The following EYS variants were observed in gnomAD, a reference collection of about 807,000 sequenced individuals.
The protein encoded by EYS is protein eyes shut homolog.
In EYS, 250 loss-of-function variants were observed where a neutral mutation model predicts 282.1. That is an observed-to-expected ratio of 0.89 (90% CI 0.80 to 0.98). The LOEUF is 0.98. Among genes scored for constraint, EYS ranks in the 50% least tolerant of loss-of-function variants. The probability of loss-of-function intolerance (pLI) is 0.00; values close to 1 mark genes in which losing one functional copy is unlikely to be tolerated. For missense variants in EYS, 4,016 were observed against 3,709.0 expected (o/e 1.08, Z -2.15); for synonymous variants, 1,355 against 1,282.9 (o/e 1.06, Z -1.20).
chr6:65,383,303 T>C (rs1765684691), intron 8 of EYS, among the ~76,000 whole-genome samples: 1 of 151,956 alleles, frequency 6.6e-6, no homozygotes, highest in African/African-American at 2.4e-5. Context: ...TTCTGAAGTG[T>C]TTTGAGACAA....
At chr6:64,132,602 A>G (rs1774016786) in intron 31 of EYS, among the ~76,000 whole-genome samples, 1 of 152,002 alleles carries the variant, frequency 6.6e-6, no homozygotes, top group East Asian at 1.9e-4. Flanking sequence ...TCATGTAAGA[A>G]GACAATTACA....
At chr6:63,882,925 C>T (rs975604565) in intron 35 of EYS, among the ~76,000 whole-genome samples, 1 of 152,114 alleles carries the variant, frequency 6.6e-6, no homozygotes, top group Non-Finnish European at 1.5e-5. Flanking sequence ...ATTTGAAAAA[C>T]TATACAGAGG....
chr6:65,042,266 G>A (rs1772960204), intron 13 of EYS, among the ~76,000 whole-genome samples: 4 of 151,280 alleles, frequency 2.6e-5, no homozygotes, highest in Non-Finnish European at 4.4e-5. Flanking sequence ...TGCATTTCTT[G>A]TAGATTGAAT....
At chr6:64,247,786 G>T (rs1227993177) in intron 30 of EYS, among the ~76,000 whole-genome samples, 1 of 152,066 alleles carries the variant, frequency 6.6e-6, no homozygotes, top group Non-Finnish European at 1.5e-5. Context: ...AATGTACAAT[G>T]AGAAAACAGA....
intron 31 of EYS, among the ~76,000 whole-genome samples, chr6:64,106,443 T>C (rs1773015007): frequency 6.6e-6 from 1 of 152,148 alleles, no homozygotes; most frequent in Non-Finnish European, 1.5e-5. Context: ...GGTAGTGTTT[T>C]TTTTCTGAAC....
chr6:63,872,472 AT>A (rs1167596582), intron 35 of EYS, among the ~76,000 whole-genome samples: 1 of 98,938 alleles, frequency 1.0e-5, no homozygotes, highest in African/African-American at 4.4e-5. Flanking sequence ...CTATACCTAA[AT>A]ATGGTTTTTT....
intron 5 of EYS, among the ~76,000 whole-genome samples, chr6:65,487,753 C>A (rs914313296): frequency 5.3e-5 from 8 of 151,982 alleles, no homozygotes; most frequent in Admixed American, 2.6e-4. Context: ...GGAATGGTAC[C>A]AGCTCATTTT....
intron 35 of EYS, among the ~76,000 whole-genome samples, chr6:63,912,146 G>A (rs1764269412): frequency 6.6e-6 from 1 of 152,194 alleles, no homozygotes; most frequent in Non-Finnish European, 1.5e-5. Context: ...CAGTGCATAA[G>A]CAGGAGCTTT....
intron 13 of EYS, among the ~76,000 whole-genome samples, chr6:65,022,070 A>G (rs1281601679): frequency 6.6e-6 from 1 of 152,250 alleles, no homozygotes; most frequent in Non-Finnish European, 1.5e-5. Flanking sequence ...CAGCCAAATC[A>G]TATCAGTAAT....
At chr6:64,294,097 G>GGTGAAACTA (rs3072590) in intron 30 of EYS, among the ~76,000 whole-genome samples, 1 of 152,134 alleles carries the variant, frequency 6.6e-6, no homozygotes, top group Non-Finnish European at 1.5e-5. Context: ...TTAATCCAAA[G>GGTGAAACTA]TTTGTCATAT....
intron 7 of EYS, among the ~76,000 whole-genome samples, chr6:65,395,146 C>T (rs1255105269): frequency 3.3e-5 from 5 of 152,234 alleles, no homozygotes; most frequent in Non-Finnish European, 7.3e-5. Flanking sequence ...TCACCGCAAC[C>T]TCTGCCTCCC....
At chr6:64,461,951 G>GA (rs1775765614) in intron 26 of EYS, among the ~76,000 whole-genome samples, 1 of 151,722 alleles carries the variant, frequency 6.6e-6, no homozygotes, top group South Asian at 2.1e-4. Flanking sequence ...TTCTTTTATT[G>GA]AAAAAAGCAA....
At chr6:64,292,668 G>C (rs1175328086) in intron 30 of EYS, among the ~76,000 whole-genome samples, 1 of 151,848 alleles carries the variant, frequency 6.6e-6, no homozygotes, top group Non-Finnish European at 1.5e-5. Flanking sequence ...TCTTCTTTGT[G>C]ACCCCTCCCC....
intron 31 of EYS, among the ~76,000 whole-genome samples, chr6:64,131,014 T>C (rs1401001495): frequency 2.0e-5 from 3 of 152,084 alleles, no homozygotes; most frequent in African/African-American, 7.2e-5. Context: ...ATTATAGGCG[T>C]GTGCCACCAT....
chr6:64,018,806 A>C (rs1769029316), intron 33 of EYS, among the ~76,000 whole-genome samples: 1 of 113,972 alleles, frequency 8.8e-6, no homozygotes. Flanking sequence ...ACAGAGTCTC[A>C]CTCTGTTGCC....
At chr6:65,184,064 G>A (rs1184252218) in intron 12 of EYS, among the ~76,000 whole-genome samples, 3 of 151,864 alleles carry the variant, frequency 2.0e-5, no homozygotes, top group Non-Finnish European at 2.9e-5. Context: ...TTAGTTTAGG[G>A]TTAGTTATAA....
Position 64,702,186 on chromosome 6 carries a change from T to C in EYS, c.3444-75941A>G, listed in dbSNP as rs962622688. On this transcript the variant is annotated intron_variant, in intron 22 of 42. Coordinates refer to ENST00000503581, the MANE Select transcript of EYS (RefSeq NM_001142800.2). ...ATATTTTAAAAGAAAAGCGTGTCTA[T>C]GAAAGAAACACTTCTCTAGAATGAA... 3.3e-5 allele frequency among the ~76,000 whole-genome samples: 5 copies of C among 152,004 alleles called. No homozygotes were observed. In the South Asian group the frequency reaches 1.0e-3, roughly 31 times the overall value.
At chr6:64,398,856 T>G (rs1582702879) in intron 28 of EYS, among the ~76,000 whole-genome samples, 1 of 151,810 alleles carries the variant, frequency 6.6e-6, no homozygotes, top group Admixed American at 6.6e-5. Flanking sequence ...GGAGAAAAAA[T>G]GGTTCAACAT....
At chr6:64,233,536 T>C (rs1429271708) in intron 30 of EYS, among the ~76,000 whole-genome samples, 1 of 152,182 alleles carries the variant, frequency 6.6e-6, no homozygotes, top group East Asian at 1.9e-4. Context: ...CTTAGTAATA[T>C]AATTAGCAAT....
Sources: allele counts gnomAD v4.1 joint callset (sites outside exome capture counted in the v4.1 genomes callset), GRCh38; gene constraint gnomAD v4.1.1; transcripts MANE v1.5; gene names NCBI Gene and HGNC (gene_info 2026-07-23, HGNC 2026-07-21).